The following ELL variants were observed in gnomAD, a reference collection of about 807,000 sequenced individuals.
ELL encodes elongation factor for RNA polymerase II, also known as RNA polymerase II elongation factor ELL.
A neutral mutation model predicts 64.0 loss-of-function variants in ELL; 18 were observed. The observed-to-expected ratio is 0.28, with a 90% CI of 0.19 to 0.42. The LOEUF is 0.42. ELL is among the 10% of genes least tolerant of loss of function. The pLI, the probability that ELL is intolerant of heterozygous loss-of-function variation, is 1.00. For missense variants in ELL, 797 were observed against 870.4 expected (o/e 0.92, Z 1.06); for synonymous variants, 399 against 376.2 (o/e 1.06, Z -0.70).
intron 11 of ELL, 87 bp downstream of exon 11, chr19:18,445,137 C>G: frequency 6.5e-7 from 1 of 1,542,290 alleles, no homozygotes; most frequent in Non-Finnish European, 9.0e-7. Context: ...TTGGAAGTAG[C>G]GGGCAGGGAG....
rs1974539174 is a variant in ELL at position 18,451,585 on chromosome 19, T to C, written c.933A>G (p.Pro311=). The C allele has an allele frequency of 3.3e-6, 5 of 1,496,236 alleles. No individual in the cohort carries two copies. The highest frequency in any genetic ancestry group is 3.5e-6 in the Non-Finnish European group (4 of 1,130,960). The allele number at this position is 1,496,236 out of a possible 1,614,324, so 92.7% of individuals were successfully genotyped here. ...GCGAGGCCGAGCGCCCACGCTCGCC[T>C]GGGGGGCTGGAGGCAGCAGGGTCTC... ...LLGDPAASSP[P]GERGRSASPP... The change falls in exon 7 of 12, where the codon CCA becomes CCG. Residue 311 remains proline, a synonymous_variant. Coordinates refer to ENST00000262809, the MANE Select transcript of ELL (RefSeq NM_006532.4).
At chr19:18,490,885 C>T (rs1975515500) in intron 1 of ELL, among the ~76,000 whole-genome samples, 1 of 152,152 alleles carries the variant, frequency 6.6e-6, no homozygotes, top group African/African-American at 2.4e-5. Context: ...GGGAGGAGCC[C>T]CCTCTCTCCC....
chr19:18,481,041 G>A (rs949283488), intron 1 of ELL, among the ~76,000 whole-genome samples: 31 of 152,094 alleles, frequency 2.0e-4, no homozygotes, highest in African/African-American at 6.8e-4. Flanking sequence ...CAAAACTGTG[G>A]CCTCTACACG....
At chr19:18,463,285 AG>A (rs1014521345) in intron 4 of ELL, among the ~76,000 whole-genome samples, 11 of 131,922 alleles carry the variant, frequency 8.3e-5, no homozygotes, top group African/African-American at 2.5e-4. Context: ...GAGCAACCTG[AG>A]GGGGGCACTG....
Position 18,443,705 on chromosome 19 carries a change from C to T in ELL, c.*1047G>A. The stretch of plus-strand genomic sequence containing the variant: ...AGCCTGCACCCCCAGAGCAGGCAGA[C>T]CCATCCTCCTGGCTCCCCAGCTCTG... On this transcript the variant is annotated 3_prime_UTR_variant, in exon 12 of 12. Coordinates refer to ENST00000262809, the MANE Select transcript of ELL (RefSeq NM_006532.4). 1 of 233,268 alleles carries T rather than the reference C, an allele frequency of 4.3e-6. No homozygotes were observed. Among genetic ancestry groups the T allele is most frequent in the Non-Finnish European group, 8.5e-6 (1 of 117,932 alleles). The allele number at this position is 233,268 out of a possible 1,614,324, so 14.4% of individuals were successfully genotyped here.
intron 1 of ELL, among the ~76,000 whole-genome samples, chr19:18,509,585 GCGCGCGCGCACATACA>G (rs1975960184): frequency 9.0e-6 from 1 of 110,696 alleles, no homozygotes; most frequent in Admixed American, 8.6e-5. Flanking sequence ...ATGCACGTGC[GCGCGCGCGCACATACA>G]CACACACACA....
In ELL at chr19:18,482,763, T is replaced by TTTGTTGTTGTTGTTGTTG. The variant is rs71336679; in HGVS notation, c.136-9899_136-9882dup. 1.7e-3 allele frequency among the ~76,000 whole-genome samples: 258 copies of TTTGTTGTTGTTGTTGTTG among 149,708 alleles called. 1 individual carries two copies. The highest frequency in any genetic ancestry group is 5.2e-3 in the African/African-American group (210 of 40,090). Reference sequence around the variant, plus strand: ...CTTAGTTCCTCCCATCTTTTTGGTTTTTGTTGTTGTTGTTGTTGTTGTTGT... The same window carrying TTTGTTGTTGTTGTTGTTG: ...CTTAGTTCCTCCCATCTTTTTGGTTTTTGTTGTTGTTGTTGTTGTTGTTGTTGTTGTTGTTGTTGTTGT... On this transcript the variant is annotated intron_variant, in intron 1 of 11. Coordinates refer to ENST00000262809, the MANE Select transcript of ELL (RefSeq NM_006532.4).
At chr19:18,511,941 G>C (rs1437919544) in intron 1 of ELL, among the ~76,000 whole-genome samples, 1 of 151,918 alleles carries the variant, frequency 6.6e-6, no homozygotes. Flanking sequence ...TGGATCATGA[G>C]GTCAGGAGTT....
At chr19:18,474,604 CAT>C (rs1175710955) in intron 1 of ELL, among the ~76,000 whole-genome samples, 1 of 152,242 alleles carries the variant, frequency 6.6e-6, no homozygotes, top group Non-Finnish European at 1.5e-5. Flanking sequence ...GCAACACGTC[CAT>C]GGCCCACTCC....
chr19:18,505,090 C>T (rs1023978627), intron 1 of ELL, among the ~76,000 whole-genome samples: 4 of 152,186 alleles, frequency 2.6e-5, no homozygotes, highest in African/African-American at 7.2e-5. Context: ...AAACCTCAGG[C>T]GACTGAGAAC....
rs368112256 is a variant in ELL, at chr19:18,445,156, G to A, written c.1749+68C>T. The A allele has an allele frequency of 1.4e-4, 223 of 1,594,584 alleles. 1 individual carries two copies. The highest frequency in any genetic ancestry group is 1.3e-3 in the Middle Eastern group (8 of 5,952). The stretch of plus-strand genomic sequence containing the variant: ...AAGTAGCGGGCAGGGAGGCTGCCCC[G>A]GGCCCACCCTCCTCCCTCCAGCTCC... On this transcript the variant is annotated intron_variant, in intron 11 of 11. Transcript: ENST00000262809.
intron 1 of ELL, among the ~76,000 whole-genome samples, chr19:18,486,764 C>A (rs1307311041): frequency 6.6e-6 from 1 of 152,168 alleles, no homozygotes; most frequent in African/African-American, 2.4e-5. Flanking sequence ...TAAGAGGATG[C>A]CAAGAGAATC....
At chr19:18,490,696 C>G (rs1457736645) in intron 1 of ELL, among the ~76,000 whole-genome samples, 2 of 152,184 alleles carry the variant, frequency 1.3e-5, no homozygotes, top group Non-Finnish European at 2.9e-5. Flanking sequence ...GGAAGGCATC[C>G]CACCCTCATC....
At chr19:18,495,702 G>A (rs1975635771) in intron 1 of ELL, among the ~76,000 whole-genome samples, 1 of 152,218 alleles carries the variant, frequency 6.6e-6, no homozygotes, top group African/African-American at 2.4e-5. Flanking sequence ...GCAGAAGCCA[G>A]TCCCCCTGCC....
intron 8 of ELL, among the ~76,000 whole-genome samples, chr19:18,447,853 T>G (rs967700222): frequency 1.3e-5 from 2 of 151,910 alleles, no homozygotes; most frequent in Non-Finnish European, 2.9e-5. Context: ...GGTGCGATCA[T>G]GGCTCACTAC....
intron 1 of ELL, among the ~76,000 whole-genome samples, chr19:18,478,202 T>C (rs1396992108): frequency 6.6e-6 from 1 of 152,174 alleles, no homozygotes; most frequent in Non-Finnish European, 1.5e-5. Context: ...CGTGGTGTCA[T>C]GGCCGAACCC....
intron 6 of ELL, among the ~76,000 whole-genome samples, chr19:18,453,923 C>G (rs1026285808): frequency 1.3e-5 from 2 of 152,160 alleles, no homozygotes; most frequent in Non-Finnish European, 2.9e-5. Flanking sequence ...GTCAGCCACA[C>G]AGCGTATAAT....
In ELL at chr19:18,451,604, G is replaced by T; in HGVS notation, c.914C>A (p.Pro305His). The T allele has an allele frequency of 6.7e-7, 1 of 1,502,000 alleles. No homozygotes were observed. The highest frequency in any genetic ancestry group is 2.7e-5 in the East Asian group (1 of 37,666). 93.0% of individuals were successfully genotyped at this position (1,502,000 alleles called of 1,614,324 possible). A position where few individuals can be genotyped will look rare whatever the true frequency, so the allele number is the denominator to read the frequency against. Residue 305 changes from proline to histidine, a missense_variant, in exon 7 of 12, where the codon CCT (proline) becomes CAT (histidine). Transcript: ENST00000262809. ...PQSTGSLLGD[P>H]AASSPPGERG... ...CTCGCCTGGGGGGCTGGAGGCAGCAGGGTCTCCAAGGAGGCTGCCAGTGCT... is the reference window on the plus strand; with the variant it reads ...CTCGCCTGGGGGGCTGGAGGCAGCATGGTCTCCAAGGAGGCTGCCAGTGCT...
chr19:18,513,464 AT>A (rs1248974021), intron 1 of ELL, among the ~76,000 whole-genome samples: 4 of 152,230 alleles, frequency 2.6e-5, no homozygotes, highest in African/African-American at 9.6e-5. Flanking sequence ...TTGTGCCACT[AT>A]GACAACACGG....
Sources: gnomAD v4.1 joint callset for allele counts (sites outside exome capture counted in the v4.1 genomes callset) on GRCh38, gnomAD v4.1.1 for gene constraint, MANE v1.5 for transcripts, NCBI Gene and HGNC (gene_info 2026-07-23, HGNC 2026-07-21) for gene names.